Variants in TEKT5 observed in about 807,000 individuals in gnomAD.
The protein encoded by TEKT5 is tektin 5.
Under a neutral mutation model 48.7 loss-of-function variants are expected in TEKT5, and 52 were observed. The observed-to-expected ratio is 1.07, with a 90% CI of 0.86 to 1.35. The LOEUF is 1.35. Among genes scored for constraint, TEKT5 ranks in the 40% most tolerant of loss-of-function variants. The pLI, the probability that TEKT5 is intolerant of heterozygous loss-of-function variation, is 0.00. For missense variants in TEKT5, 831 were observed against 641.6 expected, an observed-to-expected ratio of 1.30 and a Z score of -3.19; for synonymous variants, 318 against 267.6, an observed-to-expected ratio of 1.19 and a Z score of -1.84.
intron 3 of TEKT5, among the ~76,000 whole-genome samples, chr16:10,687,085 T>C (rs1596420333): frequency 6.6e-6 from 1 of 150,892 alleles, no homozygotes; most frequent in African/African-American, 2.4e-5. Flanking sequence ...AGGCTGGGGG[T>C]GGGGTATTGG....
intron 5 of TEKT5, among the ~76,000 whole-genome samples, chr16:10,642,060 T>C (rs1369011974): frequency 6.6e-6 from 1 of 152,232 alleles, no homozygotes; most frequent in Non-Finnish European, 1.5e-5. Context: ...GCTACTGATA[T>C]TCACCCAAAC....
intron 4 of TEKT5, among the ~76,000 whole-genome samples, chr16:10,676,666 C>A (rs962739735): frequency 2.0e-5 from 3 of 152,176 alleles, no homozygotes; most frequent in African/African-American, 7.2e-5. Flanking sequence ...GGTCCCTGAA[C>A]CCCCTAACTC....
chr16:10,663,782 AC>A (rs1898413245), intron 5 of TEKT5, among the ~76,000 whole-genome samples: 1 of 152,146 alleles, frequency 6.6e-6, no homozygotes, highest in Non-Finnish European at 1.5e-5. Flanking sequence ...CATTTCAACA[AC>A]CAAAAATGTC....
chr16:10,688,203 G>A (rs1326513460), intron 3 of TEKT5, among the ~76,000 whole-genome samples: 2 of 152,158 alleles, frequency 1.3e-5, no homozygotes, highest in Non-Finnish European at 2.9e-5. Flanking sequence ...CATCCCTCCT[G>A]CTATATTTGC....
chr16:10,653,862 G>A (rs184262855), intron 5 of TEKT5, among the ~76,000 whole-genome samples: 2 of 152,292 alleles, frequency 1.3e-5, no homozygotes, highest in Non-Finnish European at 1.5e-5. Context: ...GCAGTGAGCC[G>A]AGACCGAGCC....
intron 5 of TEKT5, among the ~76,000 whole-genome samples, chr16:10,661,484 G>T (rs1383199003): frequency 6.6e-6 from 1 of 152,176 alleles, no homozygotes; most frequent in Non-Finnish European, 1.5e-5. Flanking sequence ...TAAAGCAAGA[G>T]AAAGACATGA....
chr16:10,663,483 G>A (rs2142288970), intron 5 of TEKT5, among the ~76,000 whole-genome samples: 1 of 152,302 alleles, frequency 6.6e-6, no homozygotes, highest in Non-Finnish European at 1.5e-5. Flanking sequence ...GCTCAGGAAA[G>A]AGGAAGGCAG....
chr16:10,673,710 G>T (rs1466764881), intron 5 of TEKT5, among the ~76,000 whole-genome samples: 1 of 149,330 alleles, frequency 6.7e-6, no homozygotes, highest in Non-Finnish European at 1.5e-5. Context: ...GAGTGCAGTG[G>T]TGAGATCTCG....
At chr16:10,663,509 T>G (rs1222956860) in intron 5 of TEKT5, among the ~76,000 whole-genome samples, 1 of 152,176 alleles carries the variant, frequency 6.6e-6, no homozygotes, top group Non-Finnish European at 1.5e-5. Flanking sequence ...AATCCTTTTC[T>G]GGTCAAATGG....
chr16:10,670,603 C>A (rs1030921348), intron 5 of TEKT5, among the ~76,000 whole-genome samples: 2 of 152,200 alleles, frequency 1.3e-5, no homozygotes, highest in East Asian at 1.9e-4. Context: ...ATCTTCATTG[C>A]ATCAAATTCC....
At chr16:10,628,243 G>A (rs1478148347) in intron 6 of TEKT5, among the ~76,000 whole-genome samples, 6 of 152,158 alleles carry the variant, frequency 3.9e-5, no homozygotes, top group Admixed American at 3.9e-4. Context: ...GGCAAGGCTC[G>A]GCCCTCCAGG....
intron 3 of TEKT5, among the ~76,000 whole-genome samples, chr16:10,684,867 G>C (rs1440595393): frequency 2.6e-5 from 4 of 152,128 alleles, no homozygotes; most frequent in Non-Finnish European, 4.4e-5. Context: ...TTCTCACCTG[G>C]TGCAGCAAGG....
chr16:10,639,080 G>T (rs555810969), intron 5 of TEKT5, among the ~76,000 whole-genome samples: 1 of 152,264 alleles, frequency 6.6e-6, no homozygotes, highest in Non-Finnish European at 1.5e-5. Flanking sequence ...CAAAGTGGTG[G>T]AATCACTTGA....
intron 1 of TEKT5, among the ~76,000 whole-genome samples, chr16:10,691,947 CAAA>C (rs36117622): frequency 9.3e-4 from 96 of 103,656 alleles, no homozygotes; most frequent in African/African-American, 2.5e-3. Flanking sequence ...GAGTCCATCT[CAAA>C]AAAAAAAAAA....
intron 4 of TEKT5, among the ~76,000 whole-genome samples, chr16:10,679,060 C>T (rs1204881044): frequency 6.6e-6 from 1 of 152,170 alleles, no homozygotes; most frequent in Non-Finnish European, 1.5e-5. Context: ...ATTCACCTCT[C>T]CGAGCCTTAG....
chr16:10,641,397 G>C (rs1421987633), intron 5 of TEKT5, among the ~76,000 whole-genome samples: 1 of 152,108 alleles, frequency 6.6e-6, no homozygotes, highest in Non-Finnish European at 1.5e-5. Flanking sequence ...TTACAGCCAA[G>C]AGGGGCCTGG....
At chr16:10,645,015 C>T (rs961249308) in intron 5 of TEKT5, among the ~76,000 whole-genome samples, 7 of 152,178 alleles carry the variant, frequency 4.6e-5, no homozygotes, top group African/African-American at 1.7e-4. Flanking sequence ...AATACAAAGG[C>T]TGTCTACAAC....
At chr16:10,652,451 AACACACACACACACACAC>A (rs572277672) in intron 5 of TEKT5, among the ~76,000 whole-genome samples, 26 of 66,770 alleles carry the variant, frequency 3.9e-4, no homozygotes, top group Non-Finnish European at 5.8e-4. Context: ...TACACAGGCA[AACACACACACACACACAC>A]ACACACACAC....
At chr16:10,678,271 G>C (rs1898682967) in intron 4 of TEKT5, among the ~76,000 whole-genome samples, 1 of 152,072 alleles carries the variant, frequency 6.6e-6, no homozygotes, top group Non-Finnish European at 1.5e-5. Flanking sequence ...GCTAATTTTT[G>C]CATTTTTTGT....
Sources: allele counts gnomAD v4.1 joint callset (sites outside exome capture counted in the v4.1 genomes callset), GRCh38; gene constraint gnomAD v4.1.1; transcripts MANE v1.5; gene names NCBI Gene and HGNC (gene_info 2026-07-23, HGNC 2026-07-21).